The following HSPA12A variants were observed in gnomAD, a reference collection of about 807,000 sequenced individuals.
HSPA12A encodes the protein heat shock protein family A (Hsp70) member 12A.
A neutral mutation model predicts 69.2 loss-of-function variants in HSPA12A; 28 were observed. That is an observed-to-expected ratio of 0.40 (90% CI 0.30 to 0.55). HSPA12A has a LOEUF of 0.55. Ranked by LOEUF, HSPA12A falls within the 20% of genes least tolerant of loss-of-function variation. HSPA12A has a pLI of 0.38. For synonymous variants in HSPA12A, 345 were observed against 370.5 expected (o/e 0.93, Z 0.79); for missense variants, 686 against 900.7 (o/e 0.76, Z 3.05).
At chr10:116,773,912 C>T (rs74979626) in intron 2 of HSPA12A, among the ~76,000 whole-genome samples, 5,908 of 152,262 alleles carry the variant, frequency 0.039, 157 homozygotes, top group Non-Finnish European at 0.06. Flanking sequence ...GATAACTATG[C>T]CACCATTCAG....
chr10:116,848,649 C>T (rs768844159), intron 1 of HSPA12A, among the ~76,000 whole-genome samples: 2 of 152,114 alleles, frequency 1.3e-5, no homozygotes, highest in African/African-American at 2.4e-5. Context: ...TCTGTAATCG[C>T]ATGATACCTG....
rs77821490 is a variant in HSPA12A at position 116,714,459 on chromosome 10, C to A, written c.41-7174G>T. On this transcript the variant is annotated intron_variant, in intron 1 of 11. Coordinates refer to ENST00000369209, the MANE Select transcript of HSPA12A (RefSeq NM_025015.3). ...CCCTATCACTCCTTCTAATTAGCATCTCTTGCATTCGCTGGCTCCTCTGCT... is the reference window on the plus strand; with the variant it reads ...CCCTATCACTCCTTCTAATTAGCATATCTTGCATTCGCTGGCTCCTCTGCT... Among the ~76,000 whole-genome samples, 752 of 152,250 alleles carry A rather than the reference C, an allele frequency of 4.9e-3. 7 individuals carry two copies. The highest frequency in any genetic ancestry group is 0.017 in the African/African-American group (719 of 41,544).
At chr10:116,695,031 A>G (rs1412662481) in intron 5 of HSPA12A, among the ~76,000 whole-genome samples, 1 of 151,132 alleles carries the variant, frequency 6.6e-6, no homozygotes, top group Non-Finnish European at 1.5e-5. Flanking sequence ...CTGGTGGAAT[A>G]CTGTTTGCCC....
intron 3 of HSPA12A, among the ~76,000 whole-genome samples, chr10:116,704,164 T>C (rs964328345): frequency 6.6e-6 from 1 of 152,210 alleles, no homozygotes; most frequent in Non-Finnish European, 1.5e-5. Flanking sequence ...TGCACACGTA[T>C]GTTTATAGCG....
At chr10:116,693,321 G>C (rs1849790567) in intron 5 of HSPA12A, among the ~76,000 whole-genome samples, 1 of 152,164 alleles carries the variant, frequency 6.6e-6, no homozygotes, top group South Asian at 2.1e-4. Context: ...AAAGGGGCTG[G>C]GCAGAAGCAT....
chr10:116,712,889 G>T (rs1554883287), intron 1 of HSPA12A, among the ~76,000 whole-genome samples: 2 of 149,140 alleles, frequency 1.3e-5, no homozygotes, highest in Non-Finnish European at 3.0e-5. Context: ...AGTCCTTCTT[G>T]TTAGCTTTCA....
chr10:116,776,978 T>C (rs1480105500), intron 2 of HSPA12A, among the ~76,000 whole-genome samples: 2 of 152,202 alleles, frequency 1.3e-5, no homozygotes, highest in Non-Finnish European at 2.9e-5. Context: ...TTAATTTGAT[T>C]TACTGCAGAA....
At chr10:116,739,881 C>A (rs1172067904) in intron 1 of HSPA12A, among the ~76,000 whole-genome samples, 1 of 152,060 alleles carries the variant, frequency 6.6e-6, no homozygotes, top group Non-Finnish European at 1.5e-5. Flanking sequence ...CTGCCCACTC[C>A]CCACCCCACC....
At chr10:116,850,202 T>A (rs1335035555), upstream of HSPA12A, 3 of 226,970 alleles carry the variant, frequency 1.3e-5, no homozygotes, top group Non-Finnish European at 2.7e-5. Context: ...GGCCTCATCC[T>A]ACTGGCTCCT....
intron 2 of HSPA12A, chr10:116,749,869 G>A (rs950446109): frequency 6.4e-6 from 1 of 155,888 alleles, no homozygotes; most frequent in South Asian, 1.9e-4. Flanking sequence ...TGGGCTCTAT[G>A]TCTAGCGAAG....
intron 1 of HSPA12A, among the ~76,000 whole-genome samples, chr10:116,719,729 C>A (rs782690178): frequency 1.3e-5 from 2 of 152,166 alleles, no homozygotes; most frequent in Non-Finnish European, 1.5e-5. Flanking sequence ...ACTTAGATGG[C>A]ATCTCATATT....
In HSPA12A at chr10:116,723,989, C is replaced by T. The variant is rs1850868705; in HGVS notation, c.41-16704G>A. On this transcript the variant is annotated intron_variant, in intron 1 of 11. Coordinates refer to ENST00000369209, the MANE Select transcript of HSPA12A (RefSeq NM_025015.3). The surrounding 1 kb of genome is among the most constrained non-coding windows in gnomAD (Gnocchi z 4.1). ...CATGGCTGCATGGCCCCAACAGAGG[C>T]GTATCGGGCAGCACTGGCCGGAACT... Among the ~76,000 whole-genome samples, 4 of 152,212 alleles carry T rather than the reference C, an allele frequency of 2.6e-5. No homozygotes were observed. The highest frequency in any genetic ancestry group is 2.0e-4 in the Admixed American group (3 of 15,290).
At chr10:116,829,738 T>C (rs925229126) in intron 2 of HSPA12A, 1 of 152,180 alleles carries the variant, frequency 6.6e-6, no homozygotes, top group Non-Finnish European at 1.5e-5. Context: ...TGTATATAAA[T>C]GACACATGAA....
rs1260419656 is a variant in HSPA12A, at chr10:116,674,101, T to C, written c.*680A>G. 2.0e-5 allele frequency: 3 copies of C among 152,144 alleles called. No homozygotes were observed. Among genetic ancestry groups the C allele is most frequent in the South Asian group, 2.1e-4 (1 of 4,824 alleles). The allele number at this position is 152,144 out of a possible 1,614,324, so 9.4% of individuals were successfully genotyped here. A position where few individuals can be genotyped will look rare whatever the true frequency, so the allele number is the denominator to read the frequency against. On this transcript the variant is annotated 3_prime_UTR_variant, in exon 12 of 12. Coordinates refer to ENST00000369209, the MANE Select transcript of HSPA12A (RefSeq NM_025015.3). Reference sequence around the variant, plus strand: ...ATGGCAAGTTTTCACCTGCTAAGAATGTGAGGTATCAGCTCTCCTACTCAC... The same window carrying C: ...ATGGCAAGTTTTCACCTGCTAAGAACGTGAGGTATCAGCTCTCCTACTCAC...
At chr10:116,718,705 T>C (rs1665655) in intron 1 of HSPA12A, among the ~76,000 whole-genome samples, 152,108 of 152,220 alleles carry the variant, frequency 1, 75,998 homozygotes, top group Middle Eastern at 1. Flanking sequence ...CTGCCTAGAG[T>C]GGGCCCCTTT....
intron 2 of HSPA12A, among the ~76,000 whole-genome samples, chr10:116,813,625 T>A (rs1845240609): frequency 6.6e-6 from 1 of 150,724 alleles, no homozygotes; most frequent in South Asian, 2.2e-4. Context: ...ACATCTGTAA[T>A]CCCAACACTT....
chr10:116,835,539 C>T lies in HSPA12A; in HGVS notation c.4-517G>A, dbSNP rs377362336. Among the ~76,000 whole-genome samples the T allele has an allele frequency of 3.4e-4, 51 of 151,838 alleles. No homozygotes were observed. In the South Asian group the frequency reaches 0.011, roughly 31 times the overall value. On this transcript the variant is annotated intron_variant, in intron 1 of 12. Transcript: ENST00000635765. ...CCACTCCTGCTTATTCTTAAAAGGG[C>T]TGTAGATATTACAAAGACAAGCGAC...
At position 116,679,507 on chromosome 10, in the gene HSPA12A, T is replaced by G; in HGVS notation, c.1282A>C (p.Ser428Arg). Residue 428 changes from serine (S) to arginine (R), a missense_variant, in exon 10 of 12, where the codon AGC becomes CGC. Ser to Arg is a moderately radical substitution (Grantham distance 110). Coordinates refer to ENST00000369209, the MANE Select transcript of HSPA12A (RefSeq NM_025015.3). ...GAGGTGATGAGCCCAACTCACTTGC[T>G]TTTCCGCAAGGCGTGCTCCACACTG... ...GHSVEHALRK[S>R]NVDFVKWSSQ... 5.0e-6 allele frequency: 8 copies of G among 1,613,270 alleles called. No individual in the cohort carries two copies. Among genetic ancestry groups the G allele is most frequent in the Non-Finnish European group, 6.8e-6 (8 of 1,179,606 alleles).
intron 2 of HSPA12A, among the ~76,000 whole-genome samples, chr10:116,805,909 G>A (rs1448507535): frequency 2.6e-5 from 4 of 152,208 alleles, no homozygotes; most frequent in Non-Finnish European, 4.4e-5. Context: ...GCTGGAAATC[G>A]GAGCTAACCC....
Sources: gnomAD v4.1 joint callset for allele counts (sites outside exome capture counted in the v4.1 genomes callset) on GRCh38, gnomAD v4.1.1 for gene constraint, Gnocchi (gnomAD v3.1) non-coding constraint, MANE v1.5 for transcripts, NCBI Gene and HGNC (gene_info 2026-07-23, HGNC 2026-07-21) for gene names.